The following CDC73 variants were observed in gnomAD, a reference collection of about 807,000 sequenced individuals.
CDC73 encodes parafibromin.
A neutral mutation model predicts 83.7 loss-of-function variants in CDC73; 21 were observed. The observed-to-expected ratio is 0.25, with a 90% CI of 0.18 to 0.36. CDC73 has a LOEUF of 0.36. Among genes scored for constraint, CDC73 ranks in the 10% least tolerant of loss-of-function variants. The probability of loss-of-function intolerance (pLI) is 1.00; values close to 1 mark genes in which losing one functional copy is unlikely to be tolerated. For synonymous variants in CDC73, 224 were observed against 212.9 expected (o/e 1.05, Z -0.45); for missense variants, 342 against 653.3 (o/e 0.52, Z 5.19).
intron 2 of CDC73, among the ~76,000 whole-genome samples, chr1:193,128,632 A>C (rs971958492): frequency 6.6e-6 from 1 of 152,182 alleles, no homozygotes; most frequent in Admixed American, 6.5e-5. Flanking sequence ...ATACAAGCAC[A>C]AAAAAACTCT....
intron 15 of CDC73, among the ~76,000 whole-genome samples, chr1:193,246,361 A>G (rs1677953449): frequency 6.6e-6 from 1 of 151,952 alleles, no homozygotes; most frequent in African/African-American, 2.4e-5. Context: ...CATTTATTGA[A>G]GACTGTCTTT....
chr1:193,237,934 G>A (rs902110913), intron 15 of CDC73, among the ~76,000 whole-genome samples: 2 of 152,064 alleles, frequency 1.3e-5, no homozygotes, highest in Non-Finnish European at 2.9e-5. Flanking sequence ...TGGTAAATGG[G>A]AAGTTAAATA....
At chr1:193,192,751 G>T (rs1676940132) in intron 10 of CDC73, among the ~76,000 whole-genome samples, 1 of 152,186 alleles carries the variant, frequency 6.6e-6, no homozygotes, top group African/African-American at 2.4e-5. Context: ...CAACTAACTG[G>T]CCTTGCCGGC....
intron 10 of CDC73, among the ~76,000 whole-genome samples, chr1:193,173,669 C>T (rs1381723212): frequency 6.6e-6 from 1 of 152,026 alleles, no homozygotes; most frequent in African/African-American, 2.4e-5. Flanking sequence ...TTTTTTTGTG[C>T]CATTGGTGCA....
chr1:193,182,942 T>C (rs973062337), intron 10 of CDC73, among the ~76,000 whole-genome samples: 6 of 152,164 alleles, frequency 3.9e-5, no homozygotes, highest in African/African-American at 1.4e-4. Context: ...AAGAAATCAA[T>C]TAAAAAGTTT....
intron 10 of CDC73, among the ~76,000 whole-genome samples, chr1:193,187,258 CATTT>C (rs948025650): frequency 6.6e-6 from 1 of 151,838 alleles, no homozygotes; most frequent in African/African-American, 2.4e-5. Context: ...TTAATGTTGT[CATTT>C]ATTTTTTATT....
chr1:193,247,626 ACTT>A (rs764289611), intron 15 of CDC73, among the ~76,000 whole-genome samples: 4 of 152,086 alleles, frequency 2.6e-5, no homozygotes, highest in Non-Finnish European at 5.9e-5. Flanking sequence ...GCAAAAGAAA[ACTT>A]CTTCAGGGAA....
intron 2 of CDC73, chr1:193,128,134 T>G (rs1018063464): frequency 1.3e-4 from 20 of 152,150 alleles, no homozygotes; most frequent in African/African-American, 4.6e-4. Flanking sequence ...AGTTCCTATT[T>G]TAGTGTGAGT....
At chr1:193,172,786 G>A (rs957643741) in intron 10 of CDC73, among the ~76,000 whole-genome samples, 2 of 152,152 alleles carry the variant, frequency 1.3e-5, no homozygotes, top group Admixed American at 1.3e-4. Context: ...AAACTTGATT[G>A]TTACTTGGTA....
At chr1:193,129,011 T>G (rs1300110981) in intron 2 of CDC73, among the ~76,000 whole-genome samples, 3 of 150,364 alleles carry the variant, frequency 2.0e-5, no homozygotes, top group Admixed American at 6.6e-5. Context: ...TTTTTTTTTT[T>G]TTTTGAGACA....
At chr1:193,182,777 A>G (rs1366275179) in intron 10 of CDC73, among the ~76,000 whole-genome samples, 2 of 152,040 alleles carry the variant, frequency 1.3e-5, no homozygotes, top group Admixed American at 6.6e-5. Context: ...TGTTGTTTTT[A>G]GTTTTTGGGG....
intron 13 of CDC73, among the ~76,000 whole-genome samples, chr1:193,218,490 G>A (rs1677408297): frequency 6.6e-6 from 1 of 152,202 alleles, no homozygotes; most frequent in Non-Finnish European, 1.5e-5. Context: ...AAAGTTGGAG[G>A]CATCACACTA....
chr1:193,212,296 TAA>T (rs1229603532), intron 12 of CDC73, 92 bp from the exon 13 acceptor site: 2 of 935,988 alleles, frequency 2.1e-6, no homozygotes, highest in Non-Finnish European at 3.3e-6. Context: ...GATCAAAAGT[TAA>T]AGTTACAATT....
At chr1:193,170,694 A>G (rs1000947809) in intron 10 of CDC73, among the ~76,000 whole-genome samples, 2 of 152,148 alleles carry the variant, frequency 1.3e-5, no homozygotes, top group African/African-American at 4.8e-5. Context: ...TTGGATGCAT[A>G]GTTTGCAAAA....
chr1:193,125,042 A>G (rs1319376670), intron 1 of CDC73, 70 bp from the exon 2 acceptor site: 7 of 823,152 alleles, frequency 8.5e-6, no homozygotes, highest in Admixed American at 3.5e-5. Flanking sequence ...AGTTGTTTAT[A>G]TAAATGAATC....
chr1:193,150,622 T>C (rs1481287996), intron 9 of CDC73, among the ~76,000 whole-genome samples: 1 of 152,232 alleles, frequency 6.6e-6, no homozygotes, highest in Admixed American at 6.5e-5. Flanking sequence ...GTAGAGACTG[T>C]GTAGCCTACA....
intron 13 of CDC73, among the ~76,000 whole-genome samples, chr1:193,219,858 T>C (rs947629219): frequency 2.6e-5 from 4 of 152,178 alleles, no homozygotes; most frequent in African/African-American, 9.7e-5. Context: ...GTAACAAACC[T>C]GCACGTGTAC....
chr1:193,162,114 ATTATCTATT>A, intron 10 of CDC73, among the ~76,000 whole-genome samples: 1 of 13,266 alleles, frequency 7.5e-5, no homozygotes, highest in Non-Finnish European at 1.5e-4. Flanking sequence ...TATATCATAT[ATTATCTATT>A]ATATTGTATA....
chr1:193,138,381 A>G (rs1186980672), intron 6 of CDC73, among the ~76,000 whole-genome samples: 1 of 152,144 alleles, frequency 6.6e-6, no homozygotes, highest in African/African-American at 2.4e-5. Flanking sequence ...TTCTATTACC[A>G]TGTTGGTCTT....
Sources: allele counts gnomAD v4.1 joint callset (sites outside exome capture counted in the v4.1 genomes callset), GRCh38; gene constraint gnomAD v4.1.1; transcripts MANE v1.5; gene names NCBI Gene and HGNC (gene_info 2026-07-23, HGNC 2026-07-21).